The following ZC3H4 variants were observed in gnomAD, a reference collection of about 807,000 sequenced individuals.
ZC3H4 encodes the protein zinc finger CCCH domain-containing protein 4.
Under a neutral mutation model 108.3 loss-of-function variants are expected in ZC3H4, and 13 were observed. The ratio of observed to expected loss-of-function variants is 0.12; its 90% confidence interval spans 0.08 to 0.19. The LOEUF is 0.19. ZC3H4 is among the 10% of genes least tolerant of loss of function. The pLI is 1.00. For synonymous variants in ZC3H4, 917 were observed against 749.6 expected (o/e 1.22, Z -3.65); for missense variants, 1,734 against 1,838.8 (o/e 0.94, Z 1.04).
At chr19:47,069,366 G>C in intron 13 of ZC3H4, 23 bp from the exon 14 acceptor site, 1 of 1,605,424 alleles carries the variant, frequency 6.2e-7, no homozygotes, top group Non-Finnish European at 8.5e-7. Flanking sequence ...AGAACCGAGG[G>C]TTCATGTCGG....
chr19:47,082,365 G>A (rs1158071522), intron 9 of ZC3H4, 70 bp from the exon 10 acceptor site: 4 of 1,157,532 alleles, frequency 3.5e-6, no homozygotes, highest in Non-Finnish European at 5.2e-6. Flanking sequence ...TCTGCAAAGG[G>A]AAGAAATACT....
chr19:47,071,716 C>A, intron 13 of ZC3H4, 62 bp downstream of exon 13: 1 of 1,505,668 alleles, frequency 6.6e-7, no homozygotes, highest in South Asian at 1.3e-5. Context: ...CACATCTCCC[C>A]AACTCTGCTC....
At position 47,084,248 on chromosome 19, in the gene ZC3H4, C is replaced by T. The variant is rs150965479; in HGVS notation, c.1218+97G>A. Reference sequence around the variant, plus strand: ...AAGGACAAGGACTACACAGTCACTCCCACCCACCCTCACCACGGCTCCAGA... The same window carrying T: ...AAGGACAAGGACTACACAGTCACTCTCACCCACCCTCACCACGGCTCCAGA... On this transcript the variant is annotated intron_variant, in intron 9 of 14. Transcript: ENST00000253048. The T allele has an allele frequency of 1.2e-3, 1,369 of 1,174,188 alleles. 15 individuals are homozygous for T. In the Admixed American group the frequency reaches 0.02, roughly 17 times the overall value. 72.7% of individuals were successfully genotyped at this position (1,174,188 alleles called of 1,614,324 possible).
In ZC3H4 at chr19:47,066,568, C is replaced by T. The variant is rs780166090; in HGVS notation, c.3700G>A (p.Ala1234Thr). ...GGGGCACCCTCGGGGGGTGGGGTGG[C>T]GGTGGTGGCAGCGGGGGCTGCAGCA... is the stretch of plus-strand genomic sequence containing the variant. ...KAAAAPAATT[A>T]TPPPEGAPPQ... The change falls in exon 15 of 15, where the codon GCC (alanine) becomes ACC (threonine). Residue 1234 changes from alanine to threonine, a missense_variant. By Grantham distance (58) the Ala-to-Thr change is moderately conservative (BLOSUM62 0). Transcript: ENST00000253048. 50 of 1,569,532 alleles carry T rather than the reference C, an allele frequency of 3.2e-5. No individual in the cohort carries two copies. The highest frequency in any genetic ancestry group is 4.0e-5 in the African/African-American group (3 of 74,398).
intron 6 of ZC3H4, 93 bp from the exon 7 acceptor site, chr19:47,085,507 G>C: frequency 1.2e-5 from 14 of 1,156,534 alleles, no homozygotes; most frequent in Non-Finnish European, 1.7e-5. Context: ...GAAGGATGGT[G>C]ACCATCCAGG....
rs754748927 is a variant in ZC3H4, at chr19:47,069,355, A to T, written c.2147-12T>A. The stretch of plus-strand genomic sequence containing the variant: ...GTGCCCGTAGTCCTCTGTGGCAGGG[A>T]AGAACCGAGGGTTCATGTCGGGAAG... On this transcript the variant is annotated splice_polypyrimidine_tract_variant and intron_variant, in intron 13 of 14. Coordinates refer to ENST00000253048, the MANE Select transcript of ZC3H4 (RefSeq NM_015168.2). 1 of 1,609,844 alleles carries T rather than the reference A, an allele frequency of 6.2e-7. No individual in the cohort carries two copies. The highest frequency in any genetic ancestry group is 8.5e-7 in the Non-Finnish European group (1 of 1,178,312).
At chr19:47,112,847 C>T (rs1405555214) in intron 1 of ZC3H4, among the ~76,000 whole-genome samples, 2 of 152,082 alleles carry the variant, frequency 1.3e-5, no homozygotes, top group Non-Finnish European at 2.9e-5. Flanking sequence ...GAGCCCCCCC[C>T]CCACGCACCC....
chr19:47,081,681 A>T (rs2057526603), intron 10 of ZC3H4, 59 bp from the exon 11 acceptor site: 2 of 1,415,998 alleles, frequency 1.4e-6, no homozygotes, highest in South Asian at 2.3e-5. Flanking sequence ...CCCCCACCAC[A>T]GACCCAAGGC....
At position 47,076,146 on chromosome 19, in the gene ZC3H4, A is replaced by T. The variant is rs2057413620; in HGVS notation, c.1441-3433T>A. On this transcript the variant is annotated intron_variant, in intron 11 of 14. Transcript: ENST00000253048. ...CACCAACGCTGTTGCCTCGAACTGG[A>T]AACAACTCAAATGTCCTTCAACGGA... is the stretch of plus-strand genomic sequence containing the variant. Among the ~76,000 whole-genome samples the T allele has an allele frequency of 2.6e-5, 4 of 152,210 alleles. No homozygotes were observed. In the South Asian group the frequency reaches 8.3e-4, roughly 31 times the overall value.
At chr19:47,084,972 G>A in intron 8 of ZC3H4, 84 bp downstream of exon 8, 4 of 1,562,540 alleles carry the variant, frequency 2.6e-6, no homozygotes, top group Non-Finnish European at 3.5e-6. Flanking sequence ...GCAAGGATCA[G>A]CTTCACAGAA....
At position 47,112,580 on chromosome 19, in the gene ZC3H4, T is replaced by A; in HGVS notation, c.5A>T (p.Glu2Val). The A allele has an allele frequency of 8.5e-7, 1 of 1,171,430 alleles. No individual in the cohort carries two copies. Among genetic ancestry groups the A allele is most frequent in the Non-Finnish European group, 1.1e-6 (1 of 931,970 alleles). The allele number at this position is 1,171,430 out of a possible 1,614,324, so 72.6% of individuals were successfully genotyped here. A position where few individuals can be genotyped will look rare whatever the true frequency, so the allele number is the denominator to read the frequency against. The change falls in exon 2 of 15, where the codon GAG becomes GTG. Residue 2 changes from glutamate (E) to valine (V), a missense_variant. Physicochemically the swap from Glu to Val is moderately radical, Grantham distance 121 (BLOSUM62 -2). Coordinates refer to ENST00000253048, the MANE Select transcript of ZC3H4 (RefSeq NM_015168.2). ...CGGCGGGGGGGTCCCGGGCGCGGCC[T>A]CCATAGTTCCTTTGGGGGGGAGGGG... is the stretch of plus-strand genomic sequence containing the variant. Reference protein sequence around the residue: MEAAPGTPPPPP... With the variant: MVAAPGTPPPPP...
chr19:47,111,314 G>A (rs2058035974), intron 2 of ZC3H4, among the ~76,000 whole-genome samples: 5 of 152,216 alleles, frequency 3.3e-5, no homozygotes, highest in Admixed American at 2.0e-4. Context: ...AAACGCGCCG[G>A]GCTGACCCCA....
In ZC3H4 at chr19:47,072,318, C is replaced by T. The variant is rs564641733; in HGVS notation, c.1802+34G>A. On this transcript the variant is annotated intron_variant, in intron 12 of 14. Coordinates refer to ENST00000253048, the MANE Select transcript of ZC3H4 (RefSeq NM_015168.2). This position sits in a 1 kb window ranked among gnomAD's most constrained non-coding sequence, Gnocchi z 5.6. Reference sequence around the variant, plus strand: ...GAGCCTGGCTGGGCCCAGGACAGCGCCCACTGCCTGTCACGGGGGTCCAGG... The same window carrying T: ...GAGCCTGGCTGGGCCCAGGACAGCGTCCACTGCCTGTCACGGGGGTCCAGG... 50 of 1,600,510 alleles carry T rather than the reference C, an allele frequency of 3.1e-5. No individual in the cohort carries two copies. The highest frequency in any genetic ancestry group is 4.0e-5 in the Non-Finnish European group (47 of 1,172,422).
Position 47,071,787 on chromosome 19 carries a change from C to T in ZC3H4, c.2137G>A (p.Gly713Arg). 6.2e-7 allele frequency: 1 copy of T among 1,609,550 alleles called. No homozygotes were observed. Among genetic ancestry groups the T allele is most frequent in the South Asian group, 1.1e-5 (1 of 90,452 alleles). Residue 713 changes from glycine to arginine, a missense_variant, in exon 13 of 15, where the codon GGG becomes AGG. Coordinates refer to ENST00000253048, the MANE Select transcript of ZC3H4 (RefSeq NM_015168.2). Reference protein sequence around the residue: ...EGMEMEPGLLGDAEDYGHYEE... With the variant: ...EGMEMEPGLLRDAEDYGHYEE... ...CTGGAGTCCCGCATACCTGCATCCC[C>T]CAGGAGTCCGGGCTCCATCTCCATG...
rs765856542 is a variant in ZC3H4, at chr19:47,084,417, G to C, written c.1146C>G (p.Asp382Glu). The C allele has an allele frequency of 5.6e-6, 9 of 1,614,096 alleles. No individual in the cohort carries two copies. Among genetic ancestry groups the C allele is most frequent in the African/African-American group, 2.7e-5 (2 of 74,928 alleles). The change falls in exon 9 of 15, where the codon GAC becomes GAG. Residue 382 changes from aspartate to glutamate, a missense_variant. Physicochemically the swap from Asp to Glu is conservative, Grantham distance 45. Transcript: ENST00000253048. ...TCTTGTCCGACTGCTGGTGGGGCTT[G>C]TCATGGTCACGACTCCGGTAGCTTC... ...GGGSYRSRDH[D>E]KPHQQSDKKG...
At chr19:47,074,961 G>A (rs1007820250) in intron 11 of ZC3H4, among the ~76,000 whole-genome samples, 17 of 152,220 alleles carry the variant, frequency 1.1e-4, no homozygotes, top group African/African-American at 3.4e-4. Flanking sequence ...GGGGACCCCA[G>A]CACAGATCCC....
chr19:47,089,027 G>GA (rs1319593650), intron 5 of ZC3H4, among the ~76,000 whole-genome samples: 2 of 151,774 alleles, frequency 1.3e-5, no homozygotes, highest in East Asian at 2.0e-4. Flanking sequence ...CCAACATGGT[G>GA]AAACTCCGTC....
chr19:47,104,057 G>A (rs55982718), intron 2 of ZC3H4, among the ~76,000 whole-genome samples: 4,079 of 152,176 alleles, frequency 0.027, 148 homozygotes, highest in African/African-American at 0.085. Flanking sequence ...AGTGGCTCAC[G>A]CCTGTAATCC....
chr19:47,068,522 C>T (rs1324272161), intron 14 of ZC3H4, among the ~76,000 whole-genome samples: 1 of 152,232 alleles, frequency 6.6e-6, no homozygotes, highest in East Asian at 1.9e-4. Context: ...GCCAGTACAG[C>T]CTGGGCCATC....
Sources: gnomAD v4.1 joint callset for allele counts (sites outside exome capture counted in the v4.1 genomes callset) on GRCh38, gnomAD v4.1.1 for gene constraint, Gnocchi (gnomAD v3.1) non-coding constraint, MANE v1.5 for transcripts, NCBI Gene and HGNC (gene_info 2026-07-23, HGNC 2026-07-21) for gene names.